Variants in C10orf67 observed in about 807,000 individuals in gnomAD.
C10orf67 encodes the protein uncharacterized protein C10orf67, mitochondrial.
C10orf67 carries 60 observed loss-of-function variants against 35.6 expected under a neutral mutation model. The observed-to-expected ratio is 1.68, with a 90% CI of 1.37 to 2.09. The LOEUF (loss-of-function observed/expected upper bound fraction) is 2.09, where lower values mean the gene tolerates loss of function less well. Ranked by LOEUF, C10orf67 falls within the 30% of genes most tolerant of loss-of-function variation. The pLI, the probability that C10orf67 is intolerant of heterozygous loss-of-function variation, is 0.00. For synonymous variants in C10orf67, 167 were observed against 115.8 expected (o/e 1.44, Z -2.84); for missense variants, 474 against 330.2 (o/e 1.44, Z -3.38).
rs974389303 is a variant in C10orf67 at position 23,291,256 on chromosome 10, G to A, written c.726C>T (p.Ser242=). The stretch of plus-strand genomic sequence containing the variant: ...CCTTTTCTAGGTTTGATTTTGGAGA[G>A]CTGGTTTCTTTGGCAAAAGATTCCT... ...HKMESFAKET[S]SPKSNLEKEN... is the part of the protein sequence containing the mutation. The change falls in exon 6 of 16, where the codon AGC becomes AGT. Residue 242 remains serine, a synonymous_variant. Coordinates refer to ENST00000636213, the MANE Select transcript of C10orf67 (RefSeq NM_001371909.1). 2.8e-6 allele frequency: 2 copies of A among 715,136 alleles called. No individual in the cohort carries two copies. The highest frequency in any genetic ancestry group is 2.0e-5 in the Admixed American group (1 of 49,620). The allele number at this position is 715,136 out of a possible 1,614,324, so 44.3% of individuals were successfully genotyped here.
chr10:23,320,718 C>T lies in C10orf67; in HGVS notation c.546+23G>A, dbSNP rs766887953. 110 of 1,557,070 alleles carry T rather than the reference C, an allele frequency of 7.1e-5. 1 individual carries two copies. The East Asian group carries it at 9.9e-4, about 14-fold the overall frequency. On this transcript the variant is annotated intron_variant, in intron 4 of 15. Coordinates refer to ENST00000636213, the MANE Select transcript of C10orf67 (RefSeq NM_001371909.1). ...CTGAAGCTAGCCTTGCCCACAACTA[C>T]GGCACCAGAAACAGAAACTCACCTG...
chr10:23,291,785 C>A (rs979737582), intron 5 of C10orf67, among the ~76,000 whole-genome samples: 1 of 152,044 alleles, frequency 6.6e-6, no homozygotes, highest in Non-Finnish European at 1.5e-5. Flanking sequence ...AAAGTGGTGA[C>A]GTTTTCAGGC....
chr10:23,293,629 CTG>C (rs1310399375), intron 5 of C10orf67, among the ~76,000 whole-genome samples: 2 of 152,208 alleles, frequency 1.3e-5, no homozygotes, highest in Admixed American at 6.5e-5. Flanking sequence ...ATAAGAGAGA[CTG>C]TGTGCAATCC....
At position 23,227,100 on chromosome 10, in the gene C10orf67, A is replaced by G. The variant is rs1841762591; in HGVS notation, c.1435-3282T>C. On this transcript the variant is annotated intron_variant, in intron 13 of 15. Transcript: ENST00000636213. ...CCCTAACTCATTTTATGAGGCCAGC[A>G]TCATCCTGATACCAAAGCCTGGCAG... Among the ~76,000 whole-genome samples the G allele has an allele frequency of 2.0e-5, 3 of 152,236 alleles. No homozygotes were observed. The South Asian group carries it at 6.2e-4, about 32-fold the overall frequency.
At position 23,228,746 on chromosome 10, in the gene C10orf67, A is replaced by C. The variant is rs532018941; in HGVS notation, c.1435-4928T>G. ...AGAACTCAAACAAATTTACAAGAAA[A>C]AAACAACCCCATCAAAAAGTGGGTG... On this transcript the variant is annotated intron_variant, in intron 13 of 15. Coordinates refer to ENST00000636213, the MANE Select transcript of C10orf67 (RefSeq NM_001371909.1). Among the ~76,000 whole-genome samples the C allele has an allele frequency of 4.0e-5, 6 of 151,818 alleles. No individual in the cohort carries two copies. The East Asian group carries it at 1.2e-3, about 29-fold the overall frequency.
intron 4 of C10orf67, among the ~76,000 whole-genome samples, chr10:23,309,658 T>G (rs1844422560): frequency 6.6e-6 from 1 of 152,146 alleles, no homozygotes; most frequent in African/African-American, 2.4e-5. Context: ...TGGTGCCAAG[T>G]CATCTTCATC....
rs1356421657 is a variant in C10orf67 at position 23,202,722 on chromosome 10, T to C, written c.*1451A>G. 2.6e-5 allele frequency: 4 copies of C among 152,214 alleles called. No homozygotes were observed. The highest frequency in any genetic ancestry group is 2.6e-4 in the Admixed American group (4 of 15,286). 9.4% of individuals were successfully genotyped at this position (152,214 alleles called of 1,614,324 possible). On this transcript the variant is annotated 3_prime_UTR_variant, in exon 16 of 16. Coordinates refer to ENST00000636213, the MANE Select transcript of C10orf67 (RefSeq NM_001371909.1). Reference sequence around the variant, plus strand: ...TCTGTGGAGACCTTTATTGTGCCATTTGAAACTTTGCTTTGGTACCCAGAT... The same window carrying C: ...TCTGTGGAGACCTTTATTGTGCCATCTGAAACTTTGCTTTGGTACCCAGAT...
At chr10:23,271,623 T>G (rs1229231289) in intron 8 of C10orf67, among the ~76,000 whole-genome samples, 3 of 152,212 alleles carry the variant, frequency 2.0e-5, no homozygotes, top group African/African-American at 7.2e-5. Flanking sequence ...TGCTAGTGAG[T>G]ATATAGCAAT....
intron 15 of C10orf67, among the ~76,000 whole-genome samples, chr10:23,216,453 T>C (rs963883799): frequency 1.3e-5 from 2 of 152,124 alleles, no homozygotes; most frequent in Admixed American, 6.5e-5. Flanking sequence ...TCTGACAGTA[T>C]CTAGTAAAGT....
rs187884973 is a variant in C10orf67 at position 23,246,438 on chromosome 10, A to C, written c.1346+4017T>G. Among the ~76,000 whole-genome samples, 3 of 152,382 alleles carry C rather than the reference A, an allele frequency of 2.0e-5. No individual in the cohort carries two copies. The East Asian group carries it at 5.8e-4, about 29-fold the overall frequency. On this transcript the variant is annotated intron_variant, in intron 12 of 15. Transcript: ENST00000636213. The stretch of plus-strand genomic sequence containing the variant: ...AAAAGACATATGAGAAAAATTCAGC[A>C]AAGGCAGTTATTTCTTTGAAATAAA...
At chr10:23,274,799 C>T (rs1328683759) in intron 8 of C10orf67, among the ~76,000 whole-genome samples, 1 of 151,932 alleles carries the variant, frequency 6.6e-6, no homozygotes, top group Non-Finnish European at 1.5e-5. Flanking sequence ...ATTTAATAGG[C>T]ATAGGAAATT....
At chr10:23,296,319 C>T (rs1843879589) in intron 5 of C10orf67, among the ~76,000 whole-genome samples, 1 of 152,152 alleles carries the variant, frequency 6.6e-6, no homozygotes, top group Non-Finnish European at 1.5e-5. Flanking sequence ...ATTGTCCCTC[C>T]CACTGTGCTC....
At chr10:23,223,397 T>G in intron 15 of C10orf67, among the ~76,000 whole-genome samples, 1 of 152,190 alleles carries the variant, frequency 6.6e-6, no homozygotes, top group East Asian at 1.9e-4. Context: ...GATTTTCAAT[T>G]AGCAGTGATC....
chr10:23,338,877 C>T (rs1845781763), intron 1 of C10orf67, among the ~76,000 whole-genome samples: 1 of 152,140 alleles, frequency 6.6e-6, no homozygotes. Flanking sequence ...ATAAAATTAG[C>T]TGGGCATGGT....
chr10:23,311,216 C>T (rs1287282618), intron 4 of C10orf67, among the ~76,000 whole-genome samples: 1 of 152,206 alleles, frequency 6.6e-6, no homozygotes, highest in African/African-American at 2.4e-5. Context: ...TTTAACATCC[C>T]ATCTTAGGGT....
chr10:23,277,551 C>CA (rs200341837), intron 8 of C10orf67, among the ~76,000 whole-genome samples: 29,261 of 118,626 alleles, frequency 0.25, 3,642 homozygotes, highest in Non-Finnish European at 0.34. Context: ...TGACCAACTC[C>CA]AAAAAAAAAA....
chr10:23,256,427 C>G (rs1158025794), intron 10 of C10orf67, among the ~76,000 whole-genome samples: 1 of 152,094 alleles, frequency 6.6e-6, no homozygotes, highest in Non-Finnish European at 1.5e-5. Flanking sequence ...TCTCTTGAAC[C>G]CATTAGAGAG....
In C10orf67 at chr10:23,273,326, C is replaced by T. The variant is rs371478289; in HGVS notation, c.976-6072G>A. On this transcript the variant is annotated intron_variant, in intron 8 of 15. Transcript: ENST00000636213. Reference sequence around the variant, plus strand: ...TGATAATAGTGTGTTTCGTAGATATCGCCTATCAGCTTGAGAGGTTCTCTT... The same window carrying T: ...TGATAATAGTGTGTTTCGTAGATATTGCCTATCAGCTTGAGAGGTTCTCTT... 2.2e-4 allele frequency among the ~76,000 whole-genome samples: 33 copies of T among 152,302 alleles called. No individual in the cohort carries two copies. In the South Asian group the frequency reaches 5.0e-3, roughly 23 times the overall value.
chr10:23,258,303 C>G (rs1239761254), intron 10 of C10orf67: 1 of 160,842 alleles, frequency 6.2e-6, no homozygotes, highest in East Asian at 1.7e-4. Flanking sequence ...GCTACACTCA[C>G]CTCCTAAGGT....
Sources: allele counts gnomAD v4.1 joint callset (sites outside exome capture counted in the v4.1 genomes callset), GRCh38; gene constraint gnomAD v4.1.1; transcripts MANE v1.5; gene names NCBI Gene and HGNC (gene_info 2026-07-23, HGNC 2026-07-21).